NTPCR: variants seen among roughly 807,000 people sequenced by gnomAD.
NTPCR encodes the protein cancer-related nucleoside-triphosphatase.
NTPCR carries 15 observed loss-of-function variants against 19.5 expected under a neutral mutation model. The observed-to-expected ratio is 0.77, with a 90% CI of 0.51 to 1.18. The LOEUF is 1.18. NTPCR is among the 50% of genes most tolerant of loss of function. The pLI is 0.00. For synonymous variants in NTPCR, 90 were observed against 95.8 expected (o/e 0.94, Z 0.36); for missense variants, 206 against 240.4 (o/e 0.86, Z 0.95).
intron 3 of NTPCR, chr1:232,964,529 C>T (rs1322132610): frequency 6.6e-6 from 1 of 152,182 alleles, no homozygotes; most frequent in Non-Finnish European, 1.5e-5. Context: ...ATTAGATCAT[C>T]TTAAGATAAA....
rs146115282 is a variant in NTPCR at position 232,955,707 on chromosome 1, T to C, written c.185T>C (p.Leu62Ser). The C allele has an allele frequency of 1.2e-6, 2 of 1,613,902 alleles. No individual in the cohort carries two copies. The highest frequency in any genetic ancestry group is 2.2e-5 in the East Asian group (1 of 44,874). Residue 62 changes from leucine to serine, a missense_variant, in exon 2 of 5, where the codon TTA becomes TCA. Transcript: ENST00000366628. ...ACGTTGTCCGGCACCCGGGGGCCTT[T>C]ATCGAGAGTTGGGTACTGATATTTC... ...VVTLSGTRGP[L>S]SRVGLEPPPG...
In NTPCR at chr1:232,970,898, C is replaced by T. The variant is rs80319291; in HGVS notation, c.504+780C>T. 6.2e-3 allele frequency among the ~76,000 whole-genome samples: 949 copies of T among 152,190 alleles called. 12 individuals are homozygous for T. Among genetic ancestry groups the T allele is most frequent in the African/African-American group, 0.022 (894 of 41,524 alleles). Reference sequence around the variant, plus strand: ...AGCATGGGCATCACCTGGGAGTGGGCCTTGCCCTGGTCCAAGGAGTCAAAC... The same window carrying T: ...AGCATGGGCATCACCTGGGAGTGGGTCTTGCCCTGGTCCAAGGAGTCAAAC... On this transcript the variant is annotated intron_variant, in intron 4 of 4. Transcript: ENST00000366628.
At chr1:232,969,039 G>A (rs1231347680) in intron 3 of NTPCR, 2 of 152,260 alleles carry the variant, frequency 1.3e-5, no homozygotes, top group Non-Finnish European at 2.9e-5. Flanking sequence ...CAGTATCTGA[G>A]GATCAGGAAT....
intron 2 of NTPCR, 107 bp downstream of exon 2, chr1:232,955,826 T>C: frequency 9.1e-7 from 1 of 1,100,260 alleles, no homozygotes; most frequent in Non-Finnish European, 1.4e-6. Context: ...AGATACTCTG[T>C]TGGGTCCTTG....
In NTPCR at chr1:232,950,643, C is replaced by T. The variant is rs1030551717; in HGVS notation, c.-68C>T. 3.8e-6 allele frequency: 5 copies of T among 1,323,802 alleles called. No homozygotes were observed. The highest frequency in any genetic ancestry group is 3.3e-6 in the Non-Finnish European group (3 of 920,492). 82.0% of individuals were successfully genotyped at this position (1,323,802 alleles called of 1,614,324 possible). A position where few individuals can be genotyped will look rare whatever the true frequency, so the allele number is the denominator to read the frequency against. On this transcript the variant is annotated 5_prime_UTR_variant, in exon 1 of 5. Transcript: ENST00000366628. ...TCCTGAGTCGCGACCCTGGTCCGGACCTGACCTGAATTGCGACCCCAACCT... is the reference window on the plus strand; with the variant it reads ...TCCTGAGTCGCGACCCTGGTCCGGATCTGACCTGAATTGCGACCCCAACCT...
chr1:232,959,735 A>G (rs1325106137), intron 3 of NTPCR, among the ~76,000 whole-genome samples: 1 of 152,206 alleles, frequency 6.6e-6, no homozygotes, highest in African/African-American at 2.4e-5. Context: ...CTATGAAAAC[A>G]CAAATTCCGA....
intron 4 of NTPCR, among the ~76,000 whole-genome samples, chr1:232,972,935 A>C: frequency 6.6e-6 from 1 of 152,184 alleles, no homozygotes; most frequent in East Asian, 1.9e-4. Context: ...ATCTAGGGGC[A>C]GGGAAGGGAG....
At chr1:232,970,330 G>T (rs78373751) in intron 4 of NTPCR, among the ~76,000 whole-genome samples, 1 of 152,090 alleles carries the variant, frequency 6.6e-6, no homozygotes, top group Non-Finnish European at 1.5e-5. Context: ...GCCTCCTGAC[G>T]GTCCCAGTTG....
At chr1:232,954,784 C>T (rs1668468530) in intron 1 of NTPCR, among the ~76,000 whole-genome samples, 1 of 152,154 alleles carries the variant, frequency 6.6e-6, no homozygotes, top group African/African-American at 2.4e-5. Flanking sequence ...TAGGTAGCAC[C>T]TGTTGGTGCT....
chr1:232,979,478 CT>C lies in NTPCR; in HGVS notation c.*1248del, dbSNP rs1486480590. 1.3e-5 allele frequency: 2 copies of C among 152,420 alleles called. No individual in the cohort carries two copies. Among genetic ancestry groups the C allele is most frequent in the Non-Finnish European group, 2.9e-5 (2 of 68,254 alleles). The allele number at this position is 152,420 out of a possible 1,614,324, so 9.4% of individuals were successfully genotyped here. The stretch of plus-strand genomic sequence containing the variant: ...CCAGGTCTGGTTCCTCCATCAGTGT[CT>C]CTTTCCTCAGCGCTTTTCTTCCGAG... On this transcript the variant is annotated 3_prime_UTR_variant, in exon 5 of 5. Coordinates refer to ENST00000366628, the MANE Select transcript of NTPCR (RefSeq NM_032324.3). The surrounding 1 kb of genome is among the most constrained non-coding windows in gnomAD (Gnocchi z 5.3).
chr1:232,959,867 T>C (rs1447616027), intron 3 of NTPCR, among the ~76,000 whole-genome samples: 1 of 151,894 alleles, frequency 6.6e-6, no homozygotes, highest in Non-Finnish European at 1.5e-5. Context: ...AAAAAGTACT[T>C]CTCTAATTAG....
At chr1:232,958,017 A>G (rs1411265316) in intron 3 of NTPCR, among the ~76,000 whole-genome samples, 2 of 152,320 alleles carry the variant, frequency 1.3e-5, no homozygotes, top group East Asian at 3.9e-4. Context: ...TTCAGACCTC[A>G]GAGCCCTGGA....
intron 4 of NTPCR, among the ~76,000 whole-genome samples, chr1:232,974,738 T>C (rs1299960771): frequency 1.3e-5 from 2 of 152,238 alleles, no homozygotes; most frequent in Non-Finnish European, 2.9e-5. Flanking sequence ...CAGTGAACAA[T>C]AGAGAGGGAG....
intron 3 of NTPCR, among the ~76,000 whole-genome samples, chr1:232,961,295 G>A (rs537197226): frequency 3.3e-5 from 5 of 152,240 alleles, no homozygotes; most frequent in Non-Finnish European, 1.5e-5. Flanking sequence ...TCTAAAAGGT[G>A]AAGTCTGAGA....
At chr1:232,958,998 G>T (rs1668593751) in intron 3 of NTPCR, among the ~76,000 whole-genome samples, 2 of 152,090 alleles carry the variant, frequency 1.3e-5, no homozygotes, top group Non-Finnish European at 1.5e-5. Context: ...AAAAAATAAA[G>T]AAATACAGAC....
In NTPCR at chr1:232,950,714, G is replaced by C. The variant is rs779346410; in HGVS notation, c.4G>C (p.Ala2Pro). 27 of 1,605,150 alleles carry C rather than the reference G, an allele frequency of 1.7e-5. 1 individual carries two copies. In the South Asian group the frequency reaches 2.9e-4, roughly 17 times the overall value. Residue 2 changes from alanine (A) to proline (P), a missense_variant, in exon 1 of 5, where the codon GCC becomes CCC. Ala to Pro is a conservative substitution (Grantham distance 27). Transcript: ENST00000366628. ...ACCCCTACCCCCGCCCACCAGTATG[G>C]CCCGGCACGTGTTCCTAACGGGGCC... M[A>P]RHVFLTGPPG...
At chr1:232,954,166 A>G (rs1668450310) in intron 1 of NTPCR, among the ~76,000 whole-genome samples, 1 of 152,216 alleles carries the variant, frequency 6.6e-6, no homozygotes, top group Non-Finnish European at 1.5e-5. Context: ...TTCCTAAAGC[A>G]GTTGTTACTG....
In NTPCR at chr1:232,957,636, A is replaced by G. The variant is rs1668550360; in HGVS notation, c.294+1193A>G. On this transcript the variant is annotated intron_variant, in intron 3 of 4. Transcript: ENST00000366628. ...TTTTCAAAGAACCAGCTTTTGTTTT[A>G]TTGATTATGTAGTTTTATGTATCTA... Among the ~76,000 whole-genome samples the G allele has an allele frequency of 2.0e-5, 3 of 152,092 alleles. No homozygotes were observed. The South Asian group carries it at 6.2e-4, about 32-fold the overall frequency.
chr1:232,970,761 G>C (rs1668953351), intron 4 of NTPCR, among the ~76,000 whole-genome samples: 1 of 152,086 alleles, frequency 6.6e-6, no homozygotes, highest in African/African-American at 2.4e-5. Flanking sequence ...TTAAACATTT[G>C]GATTCTCAGT....
Sources: allele counts gnomAD v4.1 joint callset (sites outside exome capture counted in the v4.1 genomes callset), GRCh38; gene constraint gnomAD v4.1.1; non-coding constraint Gnocchi (gnomAD v3.1); transcripts MANE v1.5; gene names NCBI Gene and HGNC (gene_info 2026-07-23, HGNC 2026-07-21).